EDIL3: variants seen among roughly 807,000 people sequenced by gnomAD.
EDIL3 encodes EGF like and discoidin domains 3.
Under a neutral mutation model 67.4 loss-of-function variants are expected in EDIL3, and 37 were observed. The observed-to-expected ratio is 0.55, with a 90% CI of 0.42 to 0.72. The LOEUF (loss-of-function observed/expected upper bound fraction) is 0.72. EDIL3 is among the 30% of genes least tolerant of loss of function. The probability of loss-of-function intolerance (pLI) is 0.00; values close to 1 mark genes in which losing one functional copy is unlikely to be tolerated. For synonymous variants in EDIL3, 195 were observed against 196.3 expected, an observed-to-expected ratio of 0.99 and a Z score of 0.05; for missense variants, 527 against 586.3, an observed-to-expected ratio of 0.90 and a Z score of 1.04.
chr5:84,370,313 G>C (rs1253717537), intron 1 of EDIL3, among the ~76,000 whole-genome samples: 2 of 152,182 alleles, frequency 1.3e-5, no homozygotes, highest in Non-Finnish European at 2.9e-5. Context: ...AAGGTTCTCA[G>C]CTCCTCGGCA....
intron 1 of EDIL3, among the ~76,000 whole-genome samples, chr5:84,324,686 AG>A (rs1252833135): frequency 6.6e-6 from 1 of 151,994 alleles, no homozygotes; most frequent in East Asian, 1.9e-4. Context: ...AAGAAAAAAA[AG>A]AAAAATCAAA....
chr5:84,132,372 ATTATATATAATATATTTTAT>A (rs1747990672), intron 5 of EDIL3, among the ~76,000 whole-genome samples: 1 of 26,794 alleles, frequency 3.7e-5, no homozygotes, highest in African/African-American at 1.8e-4. Flanking sequence ...TATTATATAT[ATTATATATAATATATTTTAT>A]ATATAATATA....
At chr5:84,093,148 A>G (rs1347905007) in intron 6 of EDIL3, among the ~76,000 whole-genome samples, 2 of 152,180 alleles carry the variant, frequency 1.3e-5, no homozygotes, top group Non-Finnish European at 2.9e-5. Context: ...CACACAGTGC[A>G]GAATAATTGC....
chr5:84,268,137 C>CAATAAATAAATAAATA lies in EDIL3; in HGVS notation c.68-13941_68-13926dup, dbSNP rs541817411. ...GGGTGACAGAGTGAGATCTCGTCTC[C>CAATAAATAAATAAATA]AATAAATAAATAAATAAATAAATAA... On this transcript the variant is annotated intron_variant, in intron 1 of 10. Coordinates refer to ENST00000296591, the MANE Select transcript of EDIL3 (RefSeq NM_005711.5). 5.4e-3 allele frequency among the ~76,000 whole-genome samples: 819 copies of CAATAAATAAATAAATA among 151,238 alleles called. 5 individuals are homozygous for CAATAAATAAATAAATA. Among genetic ancestry groups the CAATAAATAAATAAATA allele is most frequent in the African/African-American group, 0.019 (784 of 41,094 alleles).
At chr5:84,262,061 T>C (rs537220202) in intron 1 of EDIL3, among the ~76,000 whole-genome samples, 1 of 152,346 alleles carries the variant, frequency 6.6e-6, no homozygotes, top group African/African-American at 2.4e-5. Flanking sequence ...TCTTTTTGCA[T>C]ATGTTTTAGT....
At chr5:84,017,322 C>T (rs988684754) in intron 9 of EDIL3, among the ~76,000 whole-genome samples, 1 of 152,110 alleles carries the variant, frequency 6.6e-6, no homozygotes, top group Non-Finnish European at 1.5e-5. Flanking sequence ...CAGTTTGGTA[C>T]ACAGAGAGGT....
intron 2 of EDIL3, among the ~76,000 whole-genome samples, chr5:84,242,509 T>G (rs1187237742): frequency 6.6e-6 from 1 of 152,088 alleles, no homozygotes; most frequent in Non-Finnish European, 1.5e-5. Flanking sequence ...TTAGAAGTAT[T>G]ATTTTTGGCT....
intron 9 of EDIL3, among the ~76,000 whole-genome samples, chr5:83,998,043 G>C (rs1745264530): frequency 6.6e-6 from 1 of 152,132 alleles, no homozygotes; most frequent in Non-Finnish European, 1.5e-5. Context: ...AAAAAAACTT[G>C]AAAAGCAGTC....
chr5:84,265,386 A>C (rs1370158425), intron 1 of EDIL3, among the ~76,000 whole-genome samples: 3 of 152,186 alleles, frequency 2.0e-5, no homozygotes, highest in Non-Finnish European at 4.4e-5. Flanking sequence ...TTATCTATTT[A>C]GTGGTTGGCA....
In EDIL3 at chr5:84,345,376, G is replaced by C. The variant is rs182945073; in HGVS notation, c.67+38932C>G. 3.4e-3 allele frequency among the ~76,000 whole-genome samples: 511 copies of C among 152,262 alleles called. 2 individuals are homozygous for C. The highest frequency in any genetic ancestry group is 5.5e-3 in the Non-Finnish European group (371 of 68,012). ...CTCATTACCCTTAAATTAGTTTATA[G>C]TGGGTAAAAATAAATAGCAATAATT... On this transcript the variant is annotated intron_variant, in intron 1 of 10. Coordinates refer to ENST00000296591, the MANE Select transcript of EDIL3 (RefSeq NM_005711.5).
chr5:83,975,628 G>GA (rs1744865149), intron 9 of EDIL3, among the ~76,000 whole-genome samples: 1 of 151,538 alleles, frequency 6.6e-6, no homozygotes, highest in African/African-American at 2.4e-5. Flanking sequence ...AACATAATTT[G>GA]AAAAAAATCA....
chr5:84,003,702 A>G (rs1745368693), intron 9 of EDIL3, among the ~76,000 whole-genome samples: 1 of 152,132 alleles, frequency 6.6e-6, no homozygotes, highest in African/African-American at 2.4e-5. Flanking sequence ...AAAAACTGCT[A>G]TTGGCCACTA....
chr5:84,330,055 A>G (rs1353823706), intron 1 of EDIL3, among the ~76,000 whole-genome samples: 1 of 152,304 alleles, frequency 6.6e-6, no homozygotes, highest in African/African-American at 2.4e-5. Flanking sequence ...CATTTTTCAG[A>G]AAATGTGCAT....
chr5:84,356,797 T>C (rs1017589286), intron 1 of EDIL3, among the ~76,000 whole-genome samples: 9 of 152,046 alleles, frequency 5.9e-5, no homozygotes, highest in African/African-American at 1.9e-4. Context: ...CCATACTCAT[T>C]TTCTTCTAAT....
chr5:84,216,111 C>T (rs1254865003), intron 3 of EDIL3, among the ~76,000 whole-genome samples: 1 of 152,134 alleles, frequency 6.6e-6, no homozygotes, highest in Admixed American at 6.6e-5. Flanking sequence ...CTAAAAAGAC[C>T]TGGTGGACTA....
intron 1 of EDIL3, among the ~76,000 whole-genome samples, chr5:84,268,412 C>T (rs1013011471): frequency 2.6e-5 from 4 of 151,948 alleles, no homozygotes; most frequent in Non-Finnish European, 2.9e-5. Flanking sequence ...ACCATTTACA[C>T]GAGAGTAAAA....
intron 5 of EDIL3, among the ~76,000 whole-genome samples, chr5:84,114,786 T>C (rs1331640769): frequency 6.6e-6 from 1 of 152,222 alleles, no homozygotes; most frequent in Non-Finnish European, 1.5e-5. Flanking sequence ...GTGAATACTG[T>C]GATTCTGTGG....
At chr5:84,267,142 C>T (rs1745366904) in intron 1 of EDIL3, among the ~76,000 whole-genome samples, 1 of 152,176 alleles carries the variant, frequency 6.6e-6, no homozygotes, top group Non-Finnish European at 1.5e-5. Flanking sequence ...GTTTCCCTTG[C>T]CTTTAGTCTT....
At chr5:84,126,888 T>C (rs1031835772) in intron 5 of EDIL3, among the ~76,000 whole-genome samples, 3 of 152,036 alleles carry the variant, frequency 2.0e-5, no homozygotes, top group Non-Finnish European at 2.9e-5. Context: ...CTATTAACAG[T>C]GGCAGAATCC....
Sources: allele counts gnomAD v4.1 joint callset (sites outside exome capture counted in the v4.1 genomes callset), GRCh38; gene constraint gnomAD v4.1.1; transcripts MANE v1.5; gene names NCBI Gene and HGNC (gene_info 2026-07-23, HGNC 2026-07-21).